Variants in COL4A1 observed in about 807,000 individuals in gnomAD.
COL4A1 encodes the protein collagen type IV alpha 1 chain.
A neutral mutation model predicts 216.6 loss-of-function variants in COL4A1; 40 were observed. The observed-to-expected ratio is 0.18, with a 90% CI of 0.14 to 0.24. COL4A1 has a LOEUF of 0.24. COL4A1 is among the 10% of genes least tolerant of loss of function. The pLI is 1.00. For missense variants in COL4A1, 1,628 were observed against 2,196.8 expected, an observed-to-expected ratio of 0.74 and a Z score of 5.18; for synonymous variants, 839 against 810.7, an observed-to-expected ratio of 1.03 and a Z score of -0.59.
At chr13:110,181,202 G>T in intron 29 of COL4A1, 90 bp downstream of exon 29, 1 of 1,272,976 alleles carries the variant, frequency 7.9e-7, no homozygotes, top group Non-Finnish European at 1.1e-6. Flanking sequence ...GGCCCAACAT[G>T]TCCTGGGACG....
chr13:110,301,848 G>A (rs1379783425), intron 1 of COL4A1, among the ~76,000 whole-genome samples: 3 of 152,152 alleles, frequency 2.0e-5, no homozygotes, highest in African/African-American at 7.2e-5. Context: ...TGACAGATCC[G>A]TACCACAAAG....
At chr13:110,161,000 T>C in intron 49 of COL4A1, 192 bp downstream of exon 49, 1 of 689,124 alleles carries the variant, frequency 1.5e-6, no homozygotes, top group Non-Finnish European at 2.4e-6. Flanking sequence ...TGAGCCACTG[T>C]GCCCAGCCAA....
At chr13:110,154,931 G>C (rs72652082) in intron 50 of COL4A1, among the ~76,000 whole-genome samples, 1 of 152,248 alleles carries the variant, frequency 6.6e-6, no homozygotes, top group African/African-American at 2.4e-5. Flanking sequence ...GAAGCTGGTT[G>C]TATAGAGAAG....
At chr13:110,174,890 T>C in intron 37 of COL4A1, 141 bp from the exon 38 acceptor site, 1 of 965,036 alleles carries the variant, frequency 1.0e-6, no homozygotes, top group Non-Finnish European at 1.7e-6. Flanking sequence ...CATCAAAGAA[T>C]CAAAGTCCAC....
chr13:110,165,435 A>T (rs1877290198), intron 45 of COL4A1, among the ~76,000 whole-genome samples: 1 of 152,110 alleles, frequency 6.6e-6, no homozygotes, highest in Non-Finnish European at 1.5e-5. Flanking sequence ...TTGAGTGACG[A>T]ATGAACTTAA....
At chr13:110,239,242 C>T (rs7331362) in intron 2 of COL4A1, among the ~76,000 whole-genome samples, 30,003 of 152,082 alleles carry the variant, frequency 0.2, 3,391 homozygotes, top group African/African-American at 0.3. Flanking sequence ...ATAGTATCTA[C>T]AGAATATAAG....
At chr13:110,236,995 A>C (rs577571291) in intron 2 of COL4A1, among the ~76,000 whole-genome samples, 6 of 152,082 alleles carry the variant, frequency 3.9e-5, no homozygotes, top group Admixed American at 1.3e-4. Flanking sequence ...ACCGGGCTGG[A>C]GGCCCACGTT....
rs1239515343 is a variant in COL4A1, at chr13:110,214,801, C to T, written c.145-786G>A. ...GCGGCAGATCATGGAACTCCTCAGC[C>T]TCTATAATCCTATGAGCCACTTCCC... On this transcript the variant is annotated intron_variant, in intron 2 of 51. Coordinates refer to ENST00000375820, the MANE Select transcript of COL4A1 (RefSeq NM_001845.6). Among the ~76,000 whole-genome samples the T allele has an allele frequency of 2.0e-5, 3 of 152,284 alleles. 1 individual carries two copies. Among genetic ancestry groups the T allele is most frequent in the African/African-American group, 2.4e-5 (1 of 41,560 alleles).
intron 43 of COL4A1, among the ~76,000 whole-genome samples, chr13:110,167,823 G>T (rs1321935065): frequency 6.6e-6 from 1 of 151,928 alleles, no homozygotes; most frequent in Non-Finnish European, 1.5e-5. Flanking sequence ...CTCAAGTCGT[G>T]GACAGCAACA....
chr13:110,179,414 G>C lies in COL4A1; in HGVS notation c.2201C>G (p.Pro734Arg), dbSNP rs527530568. The change falls in exon 30 of 52, where the codon CCT (proline) becomes CGT (arginine). Residue 734 changes from proline (P) to arginine (R), a missense_variant. Pro to Arg is a moderately radical substitution (Grantham distance 103). Transcript: ENST00000375820. ...TTTGAGTCCCGGTAGACCAACTCCA[G>C]GCTCTCCCTGAAAATCCCCAAAGCA... Reference protein sequence around the residue: ...NPGVQGQKGEPGVGLPGLKGL... With the variant: ...NPGVQGQKGERGVGLPGLKGL... 1.0e-4 allele frequency: 166 copies of C among 1,613,968 alleles called. No homozygotes were observed. The highest frequency in any genetic ancestry group is 1.4e-4 in the Non-Finnish European group (163 of 1,180,030).
At position 110,208,848 on chromosome 13, in the gene COL4A1, C is replaced by T; in HGVS notation, c.693+1G>A. On this transcript the variant is annotated splice_donor_variant, in intron 12 of 51. Coordinates refer to ENST00000375820, the MANE Select transcript of COL4A1 (RefSeq NM_001845.6). LOFTEE classifies it high-confidence loss of function. ...AGCACTCCAGAGCAATATGCACTCACCTTGTCACCTTTTGGTCCTTGAAAA... is the reference window on the plus strand; with the variant it reads ...AGCACTCCAGAGCAATATGCACTCATCTTGTCACCTTTTGGTCCTTGAAAA... 1 of 1,614,184 alleles carries T rather than the reference C, an allele frequency of 6.2e-7. No individual in the cohort carries two copies. The highest frequency in any genetic ancestry group is 8.5e-7 in the Non-Finnish European group (1 of 1,180,022).
intron 1 of COL4A1, among the ~76,000 whole-genome samples, chr13:110,253,625 A>T (rs539462833): frequency 7.7e-5 from 11 of 143,190 alleles, no homozygotes; most frequent in South Asian, 2.1e-4. Flanking sequence ...TATACTTATA[A>T]TTATATATGT....
In COL4A1 at chr13:110,167,877, C is replaced by T. The variant is rs766764518; in HGVS notation, c.3877-647G>A. On this transcript the variant is annotated intron_variant, in intron 43 of 51. Coordinates refer to ENST00000375820, the MANE Select transcript of COL4A1 (RefSeq NM_001845.6). Reference sequence around the variant, plus strand: ...TTCTTACGTAGATTTGTTTCTTAGCCTTATTTTAAAAGTGTCAAACCAAAA... The same window carrying T: ...TTCTTACGTAGATTTGTTTCTTAGCTTTATTTTAAAAGTGTCAAACCAAAA... Among the ~76,000 whole-genome samples the T allele has an allele frequency of 6.6e-4, 101 of 151,992 alleles. 1 individual carries two copies. Among genetic ancestry groups the T allele is most frequent in the Non-Finnish European group, 6.2e-4 (42 of 68,014 alleles).
chr13:110,215,160 T>C lies in COL4A1; in HGVS notation c.145-1145A>G, dbSNP rs566914218. Among the ~76,000 whole-genome samples, 3 of 152,254 alleles carry C rather than the reference T, an allele frequency of 2.0e-5. No individual in the cohort carries two copies. In the East Asian group the frequency reaches 5.8e-4, roughly 29 times the overall value. On this transcript the variant is annotated intron_variant, in intron 2 of 51. Coordinates refer to ENST00000375820, the MANE Select transcript of COL4A1 (RefSeq NM_001845.6). ...TTCCTCTTTAGAGACCATTAGGAGA[T>C]GTGGGTGGGCAGAGTCCACAGTGTG...
intron 14 of COL4A1, 35 bp from the exon 15 acceptor site, chr13:110,206,750 T>C (rs1879536649): frequency 6.2e-7 from 1 of 1,612,760 alleles, no homozygotes; most frequent in Non-Finnish European, 8.5e-7. Context: ...GATTTATTCG[T>C]CTATTTAAGC....
intron 2 of COL4A1, among the ~76,000 whole-genome samples, chr13:110,224,019 AT>A (rs1041044252): frequency 1.4e-4 from 21 of 152,306 alleles, no homozygotes; most frequent in African/African-American, 4.6e-4. Context: ...ATTAAAAAAA[AT>A]ATATATGGAA....
intron 28 of COL4A1, 31 bp downstream of exon 28, chr13:110,182,962 C>T (rs934016161): frequency 6.9e-6 from 11 of 1,593,772 alleles, no homozygotes; most frequent in Non-Finnish European, 9.4e-6. Flanking sequence ...CACAGGTGGA[C>T]CAAAGGCTCG....
At position 110,150,323 on chromosome 13, in the gene COL4A1, A is replaced by T. The variant is rs772336809; in HGVS notation, c.*40T>A. The stretch of plus-strand genomic sequence containing the variant: ...CGTTGCTGTTAACAAAAAGAAGAAG[A>T]AGTAGCACCATGTTGTGACATTAGC... On this transcript the variant is annotated 3_prime_UTR_variant, in exon 52 of 52. Transcript: ENST00000375820. 4 of 1,574,792 alleles carry T rather than the reference A, an allele frequency of 2.5e-6. No homozygotes were observed. Among genetic ancestry groups the T allele is most frequent in the African/African-American group, 2.7e-5 (2 of 74,130 alleles).
intron 25 of COL4A1, 109 bp downstream of exon 25, chr13:110,187,029 C>G: frequency 7.3e-7 from 1 of 1,377,614 alleles, no homozygotes; most frequent in Non-Finnish European, 1.0e-6. Flanking sequence ...TCATTTGTGC[C>G]ATCATCAAGG....
Sources: gnomAD v4.1 joint callset for allele counts (sites outside exome capture counted in the v4.1 genomes callset) on GRCh38, gnomAD v4.1.1 for gene constraint, MANE v1.5 for transcripts, NCBI Gene and HGNC (gene_info 2026-07-23, HGNC 2026-07-21) for gene names.